GBP6: variants seen among roughly 807,000 people sequenced by gnomAD.
GBP6 encodes the protein guanylate-binding protein 6.
In GBP6, 54 loss-of-function variants were observed where a neutral mutation model predicts 61.5. The observed-to-expected ratio is 0.88, with a 90% CI of 0.71 to 1.10. The LOEUF is 1.10. Ranked by LOEUF, GBP6 falls within the 50% of genes least tolerant of loss-of-function variation. The probability of loss-of-function intolerance (pLI) is 0.00; values close to 1 mark genes in which losing one functional copy is unlikely to be tolerated. For synonymous variants in GBP6, 255 were observed against 273.7 expected, an observed-to-expected ratio of 0.93 and a Z score of 0.67; for missense variants, 748 against 752.8, an observed-to-expected ratio of 0.99 and a Z score of 0.07.
intron 3 of GBP6, among the ~76,000 whole-genome samples, chr1:89,373,541 C>A (rs1431021896): frequency 6.6e-6 from 1 of 152,152 alleles, no homozygotes; most frequent in Non-Finnish European, 1.5e-5. Flanking sequence ...TGGAAACCAT[C>A]ATTCTCAGCA....
In GBP6 at chr1:89,369,661, C is replaced by T. The variant is rs114110284; in HGVS notation, c.306C>T (p.Gly102=). Reference sequence around the variant, plus strand: ...TCCTTCTGGACACCGAAGGTCTGGGCGATGTGGAAAAGGTAAGACAGAGAG... The same window carrying T: ...TCCTTCTGGACACCGAAGGTCTGGGTGATGTGGAAAAGGTAAGACAGAGAG... ...TLVLLDTEGL[G]DVEKGDPKND... The change falls in exon 3 of 11, where the codon GGC becomes GGT. Residue 102 remains glycine, a synonymous_variant. Transcript: ENST00000370456. 2.6e-5 allele frequency: 42 copies of T among 1,613,570 alleles called. No individual in the cohort carries two copies. The South Asian group carries it at 3.2e-4, about 12-fold the overall frequency.
intron 4 of GBP6, 74 bp from the exon 5 acceptor site, chr1:89,378,343 G>GT: frequency 2.0e-6 from 3 of 1,534,644 alleles, no homozygotes; most frequent in Non-Finnish European, 2.7e-6. Flanking sequence ...ACAAAAGAGA[G>GT]TGTTTATAAT....
At position 89,384,083 on chromosome 1, in the gene GBP6, C is replaced by T; in HGVS notation, c.1469-10C>T. ...TATTTTCTTCTCTTTCTAATACCTT[C>T]ATGGAGCAGTGGATCGGGCCAAGAA... On this transcript the variant is annotated splice_polypyrimidine_tract_variant and intron_variant, in intron 9 of 10. Transcript: ENST00000370456. 1 of 1,601,342 alleles carries T rather than the reference C, an allele frequency of 6.2e-7. No individual in the cohort carries two copies. Among genetic ancestry groups the T allele is most frequent in the Non-Finnish European group, 8.5e-7 (1 of 1,175,338 alleles).
intron 3 of GBP6, among the ~76,000 whole-genome samples, chr1:89,374,295 G>A (rs1311475624): frequency 1.3e-5 from 2 of 151,994 alleles, no homozygotes; most frequent in Admixed American, 1.3e-4. Context: ...ATGGACATTC[G>A]GGTAGTTTCC....
At chr1:89,382,901 A>T (rs761408621) in intron 8 of GBP6, 25 bp downstream of exon 8, 18 of 1,523,368 alleles carry the variant, frequency 1.2e-5, no homozygotes, top group Non-Finnish European at 1.6e-5. Context: ...GAGCATGGGG[A>T]AGTTTATAGG....
At chr1:89,384,056 A>G (rs1430651530) in intron 9 of GBP6, 37 bp from the exon 10 acceptor site, 1 of 1,542,048 alleles carries the variant, frequency 6.5e-7, no homozygotes, top group South Asian at 1.3e-5. Context: ...ATCTTCACCT[A>G]TTATTTTCTT....
At chr1:89,380,809 A>T (rs1034060157) in intron 6 of GBP6, among the ~76,000 whole-genome samples, 178 bp downstream of exon 6, 14 of 152,238 alleles carry the variant, frequency 9.2e-5, no homozygotes, top group African/African-American at 3.4e-4. Flanking sequence ...ATTCCTCTCC[A>T]ATATTGCAAA....
In GBP6 at chr1:89,378,530, G is replaced by A. The variant is rs200988868; in HGVS notation, c.542G>A (p.Arg181Gln). ...SFFPDFLWTVRDFTLELKLNG... is the reference protein window; with the variant it reads ...SFFPDFLWTVQDFTLELKLNG... ...TTCCCAGACTTTCTTTGGACAGTAC[G>A]GGATTTCACTCTGGAGCTGAAGTTG... The change falls in exon 5 of 11, where the codon CGG (arginine) becomes CAG (glutamine). Residue 181 changes from arginine (R) to glutamine (Q), a missense_variant. Arg to Gln is a conservative substitution (Grantham distance 43). Coordinates refer to ENST00000370456, the MANE Select transcript of GBP6 (RefSeq NM_198460.3). 133 of 1,614,036 alleles carry A rather than the reference G, an allele frequency of 8.2e-5. 1 individual carries two copies. In the Admixed American group the frequency reaches 1.9e-3, roughly 24 times the overall value.
chr1:89,378,514 T>C lies in GBP6; in HGVS notation c.526T>C (p.Phe176Leu), dbSNP rs2100668729. The C allele has an allele frequency of 1.2e-6, 2 of 1,614,142 alleles. No homozygotes were observed. Among genetic ancestry groups the C allele is most frequent in the East Asian group, 2.2e-5 (1 of 44,886 alleles). ...AGAGTTTGTGAGTTTCTTCCCAGAC[T>C]TTCTTTGGACAGTACGGGATTTCAC... Reference protein sequence around the residue: ...STEFVSFFPDFLWTVRDFTLE... With the variant: ...STEFVSFFPDLLWTVRDFTLE... Residue 176 changes from phenylalanine to leucine, a missense_variant, in exon 5 of 11, where the codon TTT (phenylalanine) becomes CTT (leucine). Transcript: ENST00000370456.
intron 3 of GBP6, among the ~76,000 whole-genome samples, chr1:89,372,789 G>A (rs1652683394): frequency 6.6e-6 from 1 of 152,124 alleles, no homozygotes; most frequent in Non-Finnish European, 1.5e-5. Flanking sequence ...AAAAGCAATG[G>A]CAACAAAAGC....
chr1:89,388,104 T>A lies in GBP6; in HGVS notation c.*2635T>A, dbSNP rs1198259619. Among the ~76,000 whole-genome samples, 1 of 152,154 alleles carries A rather than the reference T, an allele frequency of 6.6e-6. No homozygotes were observed. The highest frequency in any genetic ancestry group is 1.9e-4 in the East Asian group (1 of 5,192). On this transcript the variant is annotated 3_prime_UTR_variant, in exon 11 of 11. Coordinates refer to ENST00000370456, the MANE Select transcript of GBP6 (RefSeq NM_198460.3). ...CAGTGACTCAGACAAACCTATGACCTCACACAAATCTGTAACTTCATGTAT... is the reference window on the plus strand; with the variant it reads ...CAGTGACTCAGACAAACCTATGACCACACACAAATCTGTAACTTCATGTAT...
chr1:89,379,561 C>T (rs1476129682), intron 5 of GBP6, among the ~76,000 whole-genome samples: 1 of 152,162 alleles, frequency 6.6e-6, no homozygotes, highest in Non-Finnish European at 1.5e-5. Flanking sequence ...TGATAATTGT[C>T]GGAATATTCA....
In GBP6 at chr1:89,386,220, A is replaced by G. The variant is rs901504255; in HGVS notation, c.*751A>G. The stretch of plus-strand genomic sequence containing the variant: ...TAGATTATCTTATCAGCATGGAAAA[A>G]ATGCAATTATTATATGGAAGCATGC... On this transcript the variant is annotated 3_prime_UTR_variant, in exon 11 of 11. Transcript: ENST00000370456. The G allele has an allele frequency of 2.6e-5, 4 of 152,300 alleles. No individual in the cohort carries two copies. Among genetic ancestry groups the G allele is most frequent in the African/African-American group, 9.6e-5 (4 of 41,568 alleles). 9.4% of individuals were successfully genotyped at this position (152,300 alleles called of 1,614,324 possible).
intron 3 of GBP6, among the ~76,000 whole-genome samples, chr1:89,374,447 T>C (rs1302865717): frequency 6.6e-6 from 1 of 152,184 alleles, no homozygotes; most frequent in Non-Finnish European, 1.5e-5. Flanking sequence ...GATTTATACA[T>C]AAAAGTAAGA....
At position 89,378,413 on chromosome 1, in the gene GBP6, C is replaced by G; in HGVS notation, c.429-4C>G. On this transcript the variant is annotated splice_region_variant and splice_polypyrimidine_tract_variant and intron_variant, in intron 4 of 10. Transcript: ENST00000370456. ...ACAGTTGCTTTTCCTTACCTAAGTC[C>G]TAGTTATGTGACGGAGCTCACAGAA... 6.2e-7 allele frequency: 1 copy of G among 1,612,100 alleles called. No individual in the cohort carries two copies. Among genetic ancestry groups the G allele is most frequent in the Non-Finnish European group, 8.5e-7 (1 of 1,179,346 alleles).
At chr1:89,377,690 A>G (rs1202622882) in intron 3 of GBP6, among the ~76,000 whole-genome samples, 2 of 152,220 alleles carry the variant, frequency 1.3e-5, no homozygotes, top group African/African-American at 4.8e-5. Flanking sequence ...TCAGTTTCCT[A>G]TAAGTGTTTG....
In GBP6 at chr1:89,364,597, A is replaced by C. The variant is rs1356884688; in HGVS notation, c.-24+470A>C. 1.4e-4 allele frequency among the ~76,000 whole-genome samples: 20 copies of C among 146,796 alleles called. 1 individual carries two copies. Among genetic ancestry groups the C allele is most frequent in the Admixed American group, 6.8e-4 (10 of 14,670 alleles). Reference sequence around the variant, plus strand: ...CATCACTGGTCTTTATTACTTAAAAATAATTATATAGTCCAAACTCTGTGT... The same window carrying C: ...CATCACTGGTCTTTATTACTTAAAACTAATTATATAGTCCAAACTCTGTGT... On this transcript the variant is annotated intron_variant, in intron 1 of 10. Coordinates refer to ENST00000370456, the MANE Select transcript of GBP6 (RefSeq NM_198460.3).
intron 5 of GBP6, among the ~76,000 whole-genome samples, chr1:89,379,418 C>T (rs576742859): frequency 6.6e-6 from 1 of 152,070 alleles, no homozygotes; most frequent in African/African-American, 2.4e-5. Flanking sequence ...ACATGTTACA[C>T]AGATATTATT....
chr1:89,368,091 G>A (rs530379324), intron 1 of GBP6, among the ~76,000 whole-genome samples: 2 of 152,256 alleles, frequency 1.3e-5, no homozygotes, highest in African/African-American at 4.8e-5. Context: ...TTCCTAGCCT[G>A]CTATTTTAAT....
Sources: allele counts gnomAD v4.1 joint callset (sites outside exome capture counted in the v4.1 genomes callset), GRCh38; gene constraint gnomAD v4.1.1; transcripts MANE v1.5; gene names NCBI Gene and HGNC (gene_info 2026-07-23, HGNC 2026-07-21).